TMTC4: variants seen among roughly 807,000 people sequenced by gnomAD.
The protein encoded by TMTC4 is transmembrane O-mannosyltransferase targeting cadherins 4.
TMTC4 carries 65 observed loss-of-function variants against 86.0 expected under a neutral mutation model. That is an observed-to-expected ratio of 0.76 (90% CI 0.62 to 0.93). TMTC4 has a LOEUF of 0.93. Among genes scored for constraint, TMTC4 ranks in the 40% least tolerant of loss-of-function variants. The pLI, the probability that TMTC4 is intolerant of heterozygous loss-of-function variation, is 0.00. For missense variants in TMTC4, 866 were observed against 948.1 expected (o/e 0.91, Z 1.14); for synonymous variants, 379 against 382.5 (o/e 0.99, Z 0.11).
Position 100,635,088 on chromosome 13 carries a change from C to G in TMTC4, c.1310G>C (p.Ser437Thr). The G allele has an allele frequency of 6.2e-7, 1 of 1,614,122 alleles. No individual in the cohort carries two copies. The highest frequency in any genetic ancestry group is 8.5e-7 in the Non-Finnish European group (1 of 1,180,022). Residue 437 changes from serine (S) to threonine (T), a missense_variant, in exon 11 of 19, where the codon AGC becomes ACC. By Grantham distance (58) the Ser-to-Thr change is moderately conservative. Coordinates refer to ENST00000342624, the MANE Select transcript of TMTC4 (RefSeq NM_032813.5). ...AGTCAGCAGCACACAGTACCCAACGCTGGGGAGGTAGAGGACACGCTCTGC... is the reference window on the plus strand; with the variant it reads ...AGTCAGCAGCACACAGTACCCAACGGTGGGGAGGTAGAGGACACGCTCTGC... ...VVAERVLYLP[S>T]VGYCVLLTFG...
intron 15 of TMTC4, among the ~76,000 whole-genome samples, chr13:100,614,673 G>C (rs572513221): frequency 6.6e-6 from 1 of 152,104 alleles, no homozygotes; most frequent in Non-Finnish European, 1.5e-5. Flanking sequence ...AAGGCACGAG[G>C]AAATGAACTT....
At chr13:100,657,207 A>G (rs1885222373) in intron 5 of TMTC4, among the ~76,000 whole-genome samples, 1 of 152,238 alleles carries the variant, frequency 6.6e-6, no homozygotes, top group African/African-American at 2.4e-5. Flanking sequence ...ATGTGATTGG[A>G]AACATGAAGG....
chr13:100,659,063 T>C (rs1885455093), intron 5 of TMTC4, among the ~76,000 whole-genome samples: 1 of 152,366 alleles, frequency 6.6e-6, no homozygotes, highest in East Asian at 1.9e-4. Context: ...TCACAAATAC[T>C]GTGAAACACT....
chr13:100,622,794 T>C (rs1370654224), intron 15 of TMTC4, among the ~76,000 whole-genome samples: 1 of 152,020 alleles, frequency 6.6e-6, no homozygotes, highest in African/African-American at 2.4e-5. Context: ...ATTATTATTA[T>C]ACTTTAAGTT....
In TMTC4 at chr13:100,664,229, C is replaced by T; in HGVS notation, c.327G>A (p.Leu109=). ...TCAATGTCACAGCTTACCTGAAAGT[C>T]AGGACGGTGAGAGGCCGGTAGGACT... ...SHKSYRPLTV[L]TFRINYYLSG... Residue 109 remains leucine (L), a synonymous_variant, in exon 4 of 19, where the codon CTG becomes CTA. Transcript: ENST00000342624. 6.2e-7 allele frequency: 1 copy of T among 1,609,298 alleles called. No individual in the cohort carries two copies. Among genetic ancestry groups the T allele is most frequent in the South Asian group, 1.1e-5 (1 of 90,162 alleles).
intron 3 of TMTC4, among the ~76,000 whole-genome samples, chr13:100,667,252 G>A (rs1386707465): frequency 6.6e-6 from 1 of 152,168 alleles, no homozygotes; most frequent in Non-Finnish European, 1.5e-5. Flanking sequence ...GGCCAACATG[G>A]TGAAACCCCA....
At position 100,609,429 on chromosome 13, in the gene TMTC4, G is replaced by A. The variant is rs1350997966; in HGVS notation, c.2064+2969C>T. Among the ~76,000 whole-genome samples the A allele has an allele frequency of 2.6e-5, 4 of 152,236 alleles. No individual in the cohort carries two copies. In the East Asian group the frequency reaches 5.8e-4, roughly 22 times the overall value. ...TAAAGGTGTGACATAAATGTCTGGA[G>A]CTTAGGAAACTGACTCTATCAACAT... On this transcript the variant is annotated intron_variant, in intron 17 of 18. Transcript: ENST00000342624.
At chr13:100,629,890 CAG>C (rs1018501844) in intron 12 of TMTC4, among the ~76,000 whole-genome samples, 2 of 152,094 alleles carry the variant, frequency 1.3e-5, no homozygotes, top group African/African-American at 4.8e-5. Context: ...CGTGAGGACA[CAG>C]GGGGAAGGTG....
At position 100,674,378 on chromosome 13, in the gene TMTC4, G is replaced by A. The variant is rs1466165452; in HGVS notation, c.-208+366C>T. 3 of 966,542 alleles carry A rather than the reference G, an allele frequency of 3.1e-6. No homozygotes were observed. The African/African-American group carries it at 5.3e-5, about 17-fold the overall frequency. 59.9% of individuals were successfully genotyped at this position (966,542 alleles called of 1,614,324 possible). On this transcript the variant is annotated intron_variant, in intron 1 of 18. Coordinates refer to ENST00000342624, the MANE Select transcript of TMTC4 (RefSeq NM_032813.5). The stretch of plus-strand genomic sequence containing the variant: ...GGCCAGATGGCCGCTCCGGGGACGC[G>A]CCGCAGGCGCCGGGTGCGCCCGGGC...
intron 6 of TMTC4, among the ~76,000 whole-genome samples, chr13:100,654,111 T>C (rs371048577): frequency 5.5e-4 from 83 of 152,288 alleles, no homozygotes; most frequent in African/African-American, 2.0e-3. Flanking sequence ...CAGAAAGCAT[T>C]CTTCAAAGGC....
upstream of TMTC4, chr13:100,674,988 C>G: frequency 3.0e-6 from 3 of 985,708 alleles, no homozygotes; most frequent in Non-Finnish European, 3.6e-6. Flanking sequence ...AGTCCCTCCT[C>G]AGCTCATTGG....
chr13:100,663,469 T>C (rs1457038419), intron 4 of TMTC4, among the ~76,000 whole-genome samples: 2 of 152,160 alleles, frequency 1.3e-5, no homozygotes, highest in East Asian at 3.8e-4. Flanking sequence ...AGCTAGACGA[T>C]GTTTTAAGTG....
chr13:100,629,518 G>A (rs1881035334), intron 12 of TMTC4, among the ~76,000 whole-genome samples: 1 of 152,158 alleles, frequency 6.6e-6, no homozygotes, highest in Non-Finnish European at 1.5e-5. Flanking sequence ...TTAGAACCAG[G>A]CTCTGAAGCC....
intron 10 of TMTC4, 104 bp downstream of exon 10, chr13:100,636,428 T>A: frequency 7.4e-7 from 1 of 1,354,494 alleles, no homozygotes; most frequent in Non-Finnish European, 1.0e-6. Flanking sequence ...ACAAATGTCC[T>A]TAGACGTGAC....
chr13:100,661,121 G>C (rs1263119614), intron 5 of TMTC4, among the ~76,000 whole-genome samples: 1 of 152,220 alleles, frequency 6.6e-6, no homozygotes, highest in East Asian at 1.9e-4. Context: ...AGTTTGAATG[G>C]ATGTCATGGT....
chr13:100,608,949 G>A (rs1450946879), intron 17 of TMTC4, among the ~76,000 whole-genome samples: 1 of 152,314 alleles, frequency 6.6e-6, no homozygotes, highest in South Asian at 2.1e-4. Context: ...GTATGTCTAG[G>A]CGAGGAAGCC....
chr13:100,625,566 T>C lies in TMTC4; in HGVS notation c.1805A>G (p.Tyr602Cys), dbSNP rs1294613057. 1.2e-6 allele frequency: 2 copies of C among 1,614,082 alleles called. No homozygotes were observed. Among genetic ancestry groups the C allele is most frequent in the African/African-American group, 2.7e-5 (2 of 74,920 alleles). Residue 602 changes from tyrosine (Y) to cysteine (C), a missense_variant, in exon 15 of 19, where the codon TAC (tyrosine) becomes TGC (cysteine). Tyr to Cys is a radical substitution (Grantham distance 194). Coordinates refer to ENST00000342624, the MANE Select transcript of TMTC4 (RefSeq NM_032813.5). ...YRTAIKHRRK[Y>C]PDCYYNLGRL... is the part of the protein sequence containing the mutation. ...CCCGAGGTTGTAGTAACAGTCTGGG[T>C]ATTTCCTTCTGTGTTTAATTGCTGT...
chr13:100,643,138 G>A (rs986907829), intron 6 of TMTC4, among the ~76,000 whole-genome samples: 5 of 152,312 alleles, frequency 3.3e-5, no homozygotes, highest in East Asian at 1.9e-4. Flanking sequence ...AGGGAGGAGA[G>A]GGAAGCTGCA....
chr13:100,609,219 G>A lies in TMTC4; in HGVS notation c.2065-2792C>T, dbSNP rs568929748. On this transcript the variant is annotated intron_variant, in intron 17 of 18. Transcript: ENST00000342624. ...GGCCAATCTCTCCTTGAAGCTAAGA[G>A]AGCTCAGAGCCTTGGCCAGCAATAG... Among the ~76,000 whole-genome samples the A allele has an allele frequency of 6.6e-5, 10 of 152,282 alleles. No individual in the cohort carries two copies. In the East Asian group the frequency reaches 1.9e-3, roughly 29 times the overall value.
Sources: gnomAD v4.1 joint callset for allele counts (sites outside exome capture counted in the v4.1 genomes callset) on GRCh38, gnomAD v4.1.1 for gene constraint, MANE v1.5 for transcripts, NCBI Gene and HGNC (gene_info 2026-07-23, HGNC 2026-07-21) for gene names.